The following ZMYM4 variants were observed in gnomAD, a reference collection of about 807,000 sequenced individuals.
ZMYM4 encodes zinc finger MYM-type containing 4.
A neutral mutation model predicts 183.2 loss-of-function variants in ZMYM4; 31 were observed. The ratio of observed to expected loss-of-function variants is 0.17; its 90% CI spans 0.13 to 0.23. The LOEUF is 0.23. Ranked by LOEUF, ZMYM4 falls within the 10% of genes least tolerant of loss-of-function variation. The pLI is 1.00. For synonymous variants in ZMYM4, 592 were observed against 631.2 expected, an observed-to-expected ratio of 0.94 and a Z score of 0.93; for missense variants, 1,273 against 1,840.3, an observed-to-expected ratio of 0.69 and a Z score of 5.64.
At chr1:35,320,088 C>T (rs1642219698) in intron 1 of ZMYM4, among the ~76,000 whole-genome samples, 1 of 152,208 alleles carries the variant, frequency 6.6e-6, no homozygotes, top group Non-Finnish European at 1.5e-5. Context: ...GGTTTCTGCC[C>T]CAGGTTCCTG....
At chr1:35,362,122 A>G (rs1643951488) in intron 5 of ZMYM4, among the ~76,000 whole-genome samples, 1 of 152,256 alleles carries the variant, frequency 6.6e-6, no homozygotes, top group African/African-American at 2.4e-5. Flanking sequence ...AAGTTTATGT[A>G]GGATAGTAAG....
At chr1:35,269,782 G>T (rs1017163087) in intron 1 of ZMYM4, among the ~76,000 whole-genome samples, 1 of 152,186 alleles carries the variant, frequency 6.6e-6, no homozygotes, top group African/African-American at 2.4e-5. Flanking sequence ...CTACATAGGA[G>T]TTGTTTGAAT....
intron 2 of ZMYM4, among the ~76,000 whole-genome samples, chr1:35,331,145 C>T (rs1016076790): frequency 2.0e-5 from 3 of 152,032 alleles, no homozygotes; most frequent in Admixed American, 6.5e-5. Flanking sequence ...TTTTTGTTTA[C>T]ATGGTCTTTT....
At chr1:35,270,304 T>C (rs574132086) in intron 1 of ZMYM4, among the ~76,000 whole-genome samples, 1 of 152,346 alleles carries the variant, frequency 6.6e-6, no homozygotes, top group Admixed American at 6.5e-5. Flanking sequence ...GTTTCTTTAA[T>C]CTGTGTTTCT....
intron 1 of ZMYM4, among the ~76,000 whole-genome samples, chr1:35,308,495 T>C (rs1474270323): frequency 3.9e-5 from 6 of 152,212 alleles, no homozygotes; most frequent in Non-Finnish European, 8.8e-5. Context: ...TCTAGAACCC[T>C]AGTCGCCTGA....
chr1:35,289,127 A>G (rs1199333847), intron 1 of ZMYM4, among the ~76,000 whole-genome samples: 1 of 152,240 alleles, frequency 6.6e-6, no homozygotes, highest in Admixed American at 6.5e-5. Flanking sequence ...ACAGCATAAG[A>G]TAATATGATA....
At chr1:35,377,850 A>G (rs980209838) in intron 7 of ZMYM4, among the ~76,000 whole-genome samples, 1 of 152,200 alleles carries the variant, frequency 6.6e-6, no homozygotes, top group Non-Finnish European at 1.5e-5. Flanking sequence ...TTGTCACATC[A>G]GTTGACTCTT....
At chr1:35,391,171 G>C (rs1292186483) in intron 15 of ZMYM4, among the ~76,000 whole-genome samples, 1 of 152,238 alleles carries the variant, frequency 6.6e-6, no homozygotes. Flanking sequence ...TATGTTGCAA[G>C]GTTGCAGTGA....
At chr1:35,312,462 G>A (rs1164360093) in intron 1 of ZMYM4, among the ~76,000 whole-genome samples, 3 of 151,810 alleles carry the variant, frequency 2.0e-5, no homozygotes, top group South Asian at 2.1e-4. Context: ...AAGTACATTC[G>A]CATTGTTGTG....
rs117505937 is a variant in ZMYM4, at chr1:35,375,610, G to T, written c.1181+4983G>T. On this transcript the variant is annotated intron_variant, in intron 7 of 29. Transcript: ENST00000314607. ...GTTGTATACCAGTAGAAATATAACA[G>T]CAGCACTTAGGTTAGAAGAAGCTCA... Among the ~76,000 whole-genome samples, 237 of 152,266 alleles carry T rather than the reference G, an allele frequency of 1.6e-3. 4 individuals carry two copies. The East Asian group carries it at 0.037, about 24-fold the overall frequency.
chr1:35,359,709 C>T (rs1643895821), intron 3 of ZMYM4, among the ~76,000 whole-genome samples: 1 of 152,196 alleles, frequency 6.6e-6, no homozygotes, highest in Non-Finnish European at 1.5e-5. Context: ...AGGCAAGATA[C>T]TTGAATCACC....
rs1164188345 is a variant in ZMYM4, at chr1:35,419,842, AT to A, written c.*167del. On this transcript the variant is annotated 3_prime_UTR_variant, in exon 30 of 30. Transcript: ENST00000314607. The stretch of plus-strand genomic sequence containing the variant: ...CCACAGTGTGGATGTGCAAATGAAA[AT>A]TGAAGGAAAGAATATGAACTGAGAA... 39 of 662,738 alleles carry A rather than the reference AT, an allele frequency of 5.9e-5. No homozygotes were observed. Among genetic ancestry groups the A allele is most frequent in the Non-Finnish European group, 9.2e-5 (36 of 391,878 alleles). The allele number at this position is 662,738 out of a possible 1,614,324, so 41.1% of individuals were successfully genotyped here.
At chr1:35,293,596 C>T (rs971018030) in intron 1 of ZMYM4, among the ~76,000 whole-genome samples, 3 of 152,118 alleles carry the variant, frequency 2.0e-5, no homozygotes, top group Non-Finnish European at 2.9e-5. Flanking sequence ...AGATTACAGG[C>T]GTGAGCTCCT....
chr1:35,268,912 T>C lies in ZMYM4; in HGVS notation c.-135T>C, dbSNP rs1280486757. The C allele has an allele frequency of 2.9e-6, 3 of 1,047,004 alleles. No homozygotes were observed. Among genetic ancestry groups the C allele is most frequent in the Non-Finnish European group, 3.7e-6 (3 of 809,600 alleles). The allele number at this position is 1,047,004 out of a possible 1,614,324, so 64.9% of individuals were successfully genotyped here. A position where few individuals can be genotyped will look rare whatever the true frequency, so the allele number is the denominator to read the frequency against. On this transcript the variant is annotated 5_prime_UTR_variant, in exon 1 of 30. Transcript: ENST00000314607. Reference sequence around the variant, plus strand: ...CGCGGCATCCGCCCCCTCCCCACTCTCGGCGCAAGGCCCGGCCGGGTCCGG... The same window carrying C: ...CGCGGCATCCGCCCCCTCCCCACTCCCGGCGCAAGGCCCGGCCGGGTCCGG...
intron 1 of ZMYM4, among the ~76,000 whole-genome samples, chr1:35,305,065 T>C (rs1178969216): frequency 6.6e-6 from 1 of 151,960 alleles, no homozygotes; most frequent in Non-Finnish European, 1.5e-5. Flanking sequence ...AGGATGGTGT[T>C]GATTTCCTGA....
intron 1 of ZMYM4, among the ~76,000 whole-genome samples, chr1:35,314,256 T>C (rs571080831): frequency 5.3e-5 from 8 of 152,212 alleles, no homozygotes; most frequent in African/African-American, 1.7e-4. Flanking sequence ...AACTATAGTT[T>C]ATTTTTCTTT....
chr1:35,297,160 TTTTC>T (rs1391969568), intron 1 of ZMYM4, among the ~76,000 whole-genome samples: 12 of 152,030 alleles, frequency 7.9e-5, no homozygotes, highest in South Asian at 2.1e-4. Context: ...TGCTCTTACT[TTTTC>T]TTTCTTTCTT....
At chr1:35,349,965 T>TAC (rs1396577993) in intron 2 of ZMYM4, among the ~76,000 whole-genome samples, 2 of 151,022 alleles carry the variant, frequency 1.3e-5, no homozygotes, top group East Asian at 1.9e-4. Flanking sequence ...TTTCATTTTT[T>TAC]ATATATATAT....
At chr1:35,362,603 G>T (rs2148913343) in intron 5 of ZMYM4, among the ~76,000 whole-genome samples, 1 of 152,298 alleles carries the variant, frequency 6.6e-6, no homozygotes, top group Admixed American at 6.5e-5. Context: ...CATTTAATCT[G>T]GGGGAAGCTT....
Sources: allele counts gnomAD v4.1 joint callset (sites outside exome capture counted in the v4.1 genomes callset), GRCh38; gene constraint gnomAD v4.1.1; transcripts MANE v1.5; gene names NCBI Gene and HGNC (gene_info 2026-07-23, HGNC 2026-07-21).